Variants in ZMYM1 observed in about 807,000 individuals in gnomAD.
ZMYM1 encodes the protein zinc finger MYM-type protein 1.
Under a neutral mutation model 60.0 loss-of-function variants are expected in ZMYM1, and 39 were observed. The observed-to-expected ratio is 0.65, with a 90% CI of 0.50 to 0.85. The LOEUF (loss-of-function observed/expected upper bound fraction) is 0.85, where lower values mean the gene tolerates loss of function less well. ZMYM1 is among the 40% of genes least tolerant of loss of function. The probability of loss-of-function intolerance (pLI) is 0.00; values close to 1 mark genes in which losing one functional copy is unlikely to be tolerated. For synonymous variants in ZMYM1, 413 were observed against 454.0 expected (o/e 0.91, Z 1.15); for missense variants, 1,171 against 1,309.5 (o/e 0.89, Z 1.63).
chr1:35,080,613 G>A (rs888917851), intron 1 of ZMYM1, among the ~76,000 whole-genome samples: 1 of 151,954 alleles, frequency 6.6e-6, no homozygotes, highest in Non-Finnish European at 1.5e-5. Flanking sequence ...CACTGTGCCC[G>A]GCTATTTGTG....
At chr1:35,060,406 C>G (rs945337419) in intron 1 of ZMYM1, among the ~76,000 whole-genome samples, 1 of 151,932 alleles carries the variant, frequency 6.6e-6, no homozygotes, top group African/African-American at 2.4e-5. Context: ...GTGATCGACC[C>G]CCCTCGGCCT....
intron 1 of ZMYM1, among the ~76,000 whole-genome samples, chr1:35,084,180 CTTTT>C (rs934685708): frequency 7.0e-6 from 1 of 142,612 alleles, no homozygotes; most frequent in African/African-American, 2.6e-5. Flanking sequence ...TTCCATTTAA[CTTTT>C]TTTTTTTTTT....
At chr1:35,065,591 C>A (rs1641960344) in intron 1 of ZMYM1, among the ~76,000 whole-genome samples, 1 of 150,504 alleles carries the variant, frequency 6.6e-6, no homozygotes. Context: ...AAATTTATGG[C>A]ATTAATTCGT....
At chr1:35,110,969 CT>C (rs1437951572) in intron 7 of ZMYM1, among the ~76,000 whole-genome samples, 3 of 151,758 alleles carry the variant, frequency 2.0e-5, no homozygotes, top group African/African-American at 7.3e-5. Flanking sequence ...AGATACATGT[CT>C]TTTTTTAGAT....
intron 1 of ZMYM1, among the ~76,000 whole-genome samples, chr1:35,087,030 G>A (rs549472464): frequency 3.2e-3 from 369 of 114,592 alleles, no homozygotes; most frequent in Non-Finnish European, 4.8e-3. Flanking sequence ...TTGCTCTGTC[G>A]TACCCAGGCT....
chr1:35,104,385 A>C lies in ZMYM1; in HGVS notation c.510A>C (p.Ser170=), dbSNP rs761012814. Residue 170 remains serine (S), a synonymous_variant, in exon 5 of 10, where the codon TCA becomes TCC. Transcript: ENST00000359858. The stretch of plus-strand genomic sequence containing the variant: ...TTTGCAGCCTATCTTGTCTTTCATC[A>C]TATGAAGAAAAAAGAAAACCATTTG... The part of the protein sequence containing the change: ...KTFCSLSCLS[S]YEEKRKPFVT... The C allele has an allele frequency of 3.7e-6, 6 of 1,613,412 alleles. No homozygotes were observed. Among genetic ancestry groups the C allele is most frequent in the Non-Finnish European group, 5.1e-6 (6 of 1,179,768 alleles).
intron 1 of ZMYM1, among the ~76,000 whole-genome samples, chr1:35,082,913 G>C (rs1284067624): frequency 6.6e-6 from 1 of 151,926 alleles, no homozygotes; most frequent in African/African-American, 2.4e-5. Flanking sequence ...CCCGGGAGGT[G>C]GAGGTTGCAG....
intron 6 of ZMYM1, among the ~76,000 whole-genome samples, chr1:35,106,283 AC>A (rs1357179130): frequency 6.6e-6 from 1 of 151,960 alleles, no homozygotes; most frequent in Non-Finnish European, 1.5e-5. Context: ...ATATTTTGAG[AC>A]CCAACTCTAT....
At chr1:35,085,076 C>T (rs1642585404) in intron 1 of ZMYM1, among the ~76,000 whole-genome samples, 1 of 151,786 alleles carries the variant, frequency 6.6e-6, no homozygotes, top group Admixed American at 6.6e-5. Context: ...GAGACAGAGT[C>T]TCGCTCTGTC....
chr1:35,084,415 T>G (rs1264098529), intron 1 of ZMYM1, among the ~76,000 whole-genome samples: 1 of 152,262 alleles, frequency 6.6e-6, no homozygotes, highest in Non-Finnish European at 1.5e-5. Context: ...CATCCGGATG[T>G]ACTTCCTTCA....
At chr1:35,105,753 A>G (rs1157609213) in intron 6 of ZMYM1, among the ~76,000 whole-genome samples, 1 of 151,528 alleles carries the variant, frequency 6.6e-6, no homozygotes, top group Non-Finnish European at 1.5e-5. Context: ...CTACAGGCAC[A>G]CACCACCACA....
chr1:35,086,713 C>T (rs1041511109), intron 1 of ZMYM1, among the ~76,000 whole-genome samples: 1 of 151,394 alleles, frequency 6.6e-6, no homozygotes, highest in African/African-American at 2.4e-5. Flanking sequence ...TGCAGTTTCG[C>T]ACTGTCACCC....
intron 1 of ZMYM1, among the ~76,000 whole-genome samples, chr1:35,060,451 C>G (rs927057939): frequency 6.6e-6 from 1 of 151,992 alleles, no homozygotes; most frequent in African/African-American, 2.4e-5. Context: ...TGAGCCACCG[C>G]GCCCGGCTGG....
intron 4 of ZMYM1, among the ~76,000 whole-genome samples, chr1:35,098,374 G>A (rs949267077): frequency 3.9e-5 from 6 of 152,188 alleles, no homozygotes; most frequent in Admixed American, 2.0e-4. Context: ...TCCTAAGGCT[G>A]TATAATTATG....
In ZMYM1 at chr1:35,113,446, A is replaced by T. The variant is rs577403047; in HGVS notation, c.1616A>T (p.Asp539Val). ...YQFCDGAVSDDLSIHSKQIEG... is the reference protein window; with the variant it reads ...YQFCDGAVSDVLSIHSKQIEG... ...TTTTGTGATGGAGCTGTCAGTGACGATTTATCTATTCATTCGAAACAGATT... is the reference window on the plus strand; with the variant it reads ...TTTTGTGATGGAGCTGTCAGTGACGTTTTATCTATTCATTCGAAACAGATT... Residue 539 changes from aspartate (D) to valine (V), a missense_variant, in exon 10 of 10, where the codon GAT becomes GTT. Coordinates refer to ENST00000359858, the MANE Select transcript of ZMYM1 (RefSeq NM_024772.5). 5 of 1,613,738 alleles carry T rather than the reference A, an allele frequency of 3.1e-6. No homozygotes were observed. In the South Asian group the frequency reaches 5.5e-5, roughly 18 times the overall value.
At chr1:35,116,889 G>T (rs1364683164), downstream of ZMYM1, among the ~76,000 whole-genome samples, 1 of 113,434 alleles carries the variant, frequency 8.8e-6, no homozygotes, top group Non-Finnish European at 1.7e-5. Flanking sequence ...TGTCGCCCAG[G>T]CGGGAGTGCT....
In ZMYM1 at chr1:35,081,780, C is replaced by G. The variant is rs531969713; in HGVS notation, c.-75+2338C>G. Among the ~76,000 whole-genome samples the G allele has an allele frequency of 2.0e-5, 3 of 152,308 alleles. No individual in the cohort carries two copies. The South Asian group carries it at 6.2e-4, about 32-fold the overall frequency. ...GCACAATCTCGGCTCACTGTAGCCT[C>G]TGACACCCAGGTTCAAGTGATTCTC... On this transcript the variant is annotated intron_variant, in intron 1 of 9. Transcript: ENST00000359858.
rs138479329 is a variant in ZMYM1 at position 35,108,113 on chromosome 1, A to G, written c.808-2181A>G. Among the ~76,000 whole-genome samples, 770 of 152,288 alleles carry G rather than the reference A, an allele frequency of 5.1e-3. 12 individuals carry two copies. The highest frequency in any genetic ancestry group is 0.017 in the African/African-American group (720 of 41,568). ...GACAACAGAGCAAGACTCTGTCTCA[A>G]AAATAAATAAATAAATAAAAATAAA... On this transcript the variant is annotated intron_variant, in intron 6 of 9. Transcript: ENST00000359858.
chr1:35,073,502 G>A (rs1442136961), intron 1 of ZMYM1, among the ~76,000 whole-genome samples: 1 of 151,512 alleles, frequency 6.6e-6, no homozygotes, highest in Admixed American at 6.6e-5. Context: ...GTTCCAGGCT[G>A]CAGTGAGCTA....
Sources: allele counts gnomAD v4.1 joint callset (sites outside exome capture counted in the v4.1 genomes callset), GRCh38; gene constraint gnomAD v4.1.1; transcripts MANE v1.5; gene names NCBI Gene and HGNC (gene_info 2026-07-23, HGNC 2026-07-21).